AP2A2: variants seen among roughly 807,000 people sequenced by gnomAD.
AP2A2 encodes the protein AP-2 complex subunit alpha-2.
Under a neutral mutation model 104.2 loss-of-function variants are expected in AP2A2, and 32 were observed. That is an observed-to-expected ratio of 0.31 (90% CI 0.23 to 0.41). AP2A2 has a LOEUF of 0.41. AP2A2 is among the 10% of genes least tolerant of loss of function. The pLI is 1.00. For missense variants in AP2A2, 912 were observed against 1,261.0 expected, an observed-to-expected ratio of 0.72 and a Z score of 4.19; for synonymous variants, 539 against 533.3, an observed-to-expected ratio of 1.01 and a Z score of -0.15.
intron 6 of AP2A2, 144 bp from the exon 7 acceptor site, chr11:984,501 C>T: frequency 1.4e-6 from 1 of 697,634 alleles, no homozygotes; most frequent in Non-Finnish European, 2.5e-6. Flanking sequence ...GGGTACCAAG[C>T]AGTGTCAGAC....
chr11:984,490 G>T (rs1855378534), intron 6 of AP2A2, among the ~76,000 whole-genome samples, 155 bp from the exon 7 acceptor site: 1 of 152,116 alleles, frequency 6.6e-6, no homozygotes, highest in Non-Finnish European at 1.5e-5. Context: ...GCGAACCCAG[G>T]GGGTACCAAG....
intron 6 of AP2A2, among the ~76,000 whole-genome samples, chr11:984,330 C>T (rs968708938): frequency 6.6e-6 from 1 of 152,086 alleles, no homozygotes; most frequent in Non-Finnish European, 1.5e-5. Context: ...TCTGAGGAGG[C>T]TAAAGCTCTC....
At chr11:962,247 G>C (rs1854467145) in intron 2 of AP2A2, among the ~76,000 whole-genome samples, 1 of 152,270 alleles carries the variant, frequency 6.6e-6, no homozygotes, top group South Asian at 2.1e-4. Flanking sequence ...GTGAGGAAAT[G>C]AGGAAATGCA....
intron 1 of AP2A2, among the ~76,000 whole-genome samples, chr11:937,643 G>T (rs2134469736): frequency 6.6e-6 from 1 of 152,278 alleles, no homozygotes; most frequent in South Asian, 2.1e-4. Flanking sequence ...CTACAGTTGG[G>T]CAAAACCATC....
chr11:932,036 T>A (rs1589939432), intron 1 of AP2A2, among the ~76,000 whole-genome samples: 1 of 151,860 alleles, frequency 6.6e-6, no homozygotes, highest in Non-Finnish European at 1.5e-5. Context: ...CCTGACCTCG[T>A]GAGCCACCAC....
chr11:1,005,766 GTGGTGCCTTTAGTCC>G (rs1483084882), intron 16 of AP2A2, among the ~76,000 whole-genome samples: 1 of 152,234 alleles, frequency 6.6e-6, no homozygotes, highest in Admixed American at 6.5e-5. Context: ...TTGAAAACAG[GTGGTGCCTTTAGTCC>G]TGGTTTAAGT....
chr11:1,010,259 C>T (rs1470628299), intron 21 of AP2A2: 12 of 534,516 alleles, frequency 2.2e-5, no homozygotes, highest in South Asian at 2.0e-4. Flanking sequence ...GTGCTGCTGT[C>T]GCCCAGGGCC....
Position 972,000 on chromosome 11 carries a change from C to A in AP2A2, c.280-62C>A. On this transcript the variant is annotated intron_variant, in intron 3 of 21. Coordinates refer to ENST00000448903, the MANE Select transcript of AP2A2 (RefSeq NM_012305.4). The stretch of plus-strand genomic sequence containing the variant: ...GTGTGTCACTGATTGTTGGGTGACT[C>A]AGGGCCACAGGTGGACTTGGATTGT... 6 of 1,491,844 alleles carry A rather than the reference C, an allele frequency of 4.0e-6. No individual in the cohort carries two copies. The South Asian group carries it at 6.5e-5, about 16-fold the overall frequency. 92.4% of individuals were successfully genotyped at this position (1,491,844 alleles called of 1,614,324 possible).
At chr11:983,579 T>C (rs1855337512) in intron 6 of AP2A2, among the ~76,000 whole-genome samples, 2 of 151,888 alleles carry the variant, frequency 1.3e-5, no homozygotes, top group South Asian at 4.2e-4. Context: ...GAGATGGGGT[T>C]TCACTGTGTT....
At chr11:954,344 T>C (rs557495665) in intron 1 of AP2A2, among the ~76,000 whole-genome samples, 2 of 152,258 alleles carry the variant, frequency 1.3e-5, no homozygotes, top group African/African-American at 4.8e-5. Context: ...TGGCCTGCCC[T>C]CGTTTTAAAG....
intron 17 of AP2A2, chr11:1,007,114 G>GGAGA (rs1420730205): frequency 6.4e-6 from 1 of 155,430 alleles, no homozygotes; most frequent in East Asian, 1.9e-4. Flanking sequence ...GCTAAAACAG[G>GGAGA]GAGACGCTAA....
intron 4 of AP2A2, among the ~76,000 whole-genome samples, chr11:974,330 G>A (rs1854941187): frequency 1.3e-5 from 2 of 152,196 alleles, no homozygotes; most frequent in Admixed American, 6.5e-5. Flanking sequence ...TGGTACCCAT[G>A]GGCCTTCCTT....
chr11:933,123 C>G (rs1853341220), intron 1 of AP2A2, among the ~76,000 whole-genome samples: 1 of 152,142 alleles, frequency 6.6e-6, no homozygotes, highest in Admixed American at 6.6e-5. Flanking sequence ...ACAAAATTAG[C>G]CAGGTGTGGT....
At chr11:958,878 C>T (rs7396677) in intron 1 of AP2A2, among the ~76,000 whole-genome samples, 76,992 of 151,936 alleles carry the variant, frequency 0.51, 20,137 homozygotes, top group Middle Eastern at 0.66. Context: ...CTGATTTCAA[C>T]GGGCACATCT....
intron 1 of AP2A2, among the ~76,000 whole-genome samples, chr11:944,958 A>C (rs945023067): frequency 3.9e-5 from 6 of 152,122 alleles, no homozygotes; most frequent in African/African-American, 1.4e-4. Context: ...TCTTACTAGA[A>C]TGCTAAACAC....
chr11:992,707 G>A lies in AP2A2; in HGVS notation c.1452+22G>A. On this transcript the variant is annotated intron_variant, in intron 11 of 21. Transcript: ENST00000448903. The surrounding 1 kb of genome is among the most constrained non-coding windows in gnomAD (Gnocchi z 6.4). ...CGAGGTATGGCCCGCAGGATGGCAG[G>A]AAGGATGGGGTGGAGGGCAGTTGCA... The A allele has an allele frequency of 2.5e-6, 4 of 1,613,392 alleles. No homozygotes were observed. The highest frequency in any genetic ancestry group is 3.4e-6 in the Non-Finnish European group (4 of 1,179,680).
At chr11:996,368 C>G (rs941858503) in intron 14 of AP2A2, 1 of 152,310 alleles carries the variant, frequency 6.6e-6, no homozygotes, top group Non-Finnish European at 1.5e-5. Flanking sequence ...GCACCAGGTG[C>G]TCTCGCTCCC....
At chr11:958,855 C>T (rs1460288452) in intron 1 of AP2A2, among the ~76,000 whole-genome samples, 1 of 152,132 alleles carries the variant, frequency 6.6e-6, no homozygotes, top group Admixed American at 6.6e-5. Flanking sequence ...GTCCATACGG[C>T]AGGGGAGGCA....
chr11:977,021 T>C, intron 4 of AP2A2, 74 bp from the exon 5 acceptor site: 1 of 1,592,698 alleles, frequency 6.3e-7, no homozygotes, highest in Non-Finnish European at 8.5e-7. Context: ...TCCTGCTGGC[T>C]CTGGGGGGGT....
Sources: allele counts gnomAD v4.1 joint callset (sites outside exome capture counted in the v4.1 genomes callset), GRCh38; gene constraint gnomAD v4.1.1; non-coding constraint Gnocchi (gnomAD v3.1); transcripts MANE v1.5; gene names NCBI Gene and HGNC (gene_info 2026-07-23, HGNC 2026-07-21).